SORCS3: variants seen among roughly 807,000 people sequenced by gnomAD.
The protein encoded by SORCS3 is VPS10 domain-containing receptor SorCS3.
In SORCS3, 57 loss-of-function variants were observed where a neutral mutation model predicts 146.3. The observed-to-expected ratio is 0.39, with a 90% CI of 0.31 to 0.49. The LOEUF is 0.49. SORCS3 is among the 20% of genes least tolerant of loss of function. The probability of loss-of-function intolerance (pLI) is 0.92; values close to 1 mark genes in which losing one functional copy is unlikely to be tolerated. For synonymous variants in SORCS3, 653 were observed against 618.5 expected (o/e 1.06, Z -0.83); for missense variants, 1,341 against 1,575.5 (o/e 0.85, Z 2.52).
At chr10:104,977,941 A>G (rs1286697978) in intron 4 of SORCS3, among the ~76,000 whole-genome samples, 1 of 152,002 alleles carries the variant, frequency 6.6e-6, no homozygotes, top group Non-Finnish European at 1.5e-5. Flanking sequence ...CAAGTTGGCC[A>G]GGATGGTCTC....
At chr10:104,969,736 A>G (rs1004771629) in intron 3 of SORCS3, among the ~76,000 whole-genome samples, 4 of 151,984 alleles carry the variant, frequency 2.6e-5, no homozygotes, top group African/African-American at 9.7e-5. Flanking sequence ...AAATTTCTTT[A>G]TGTGTGTGTG....
chr10:104,659,681 T>G (rs935696922), intron 1 of SORCS3, among the ~76,000 whole-genome samples: 1 of 152,218 alleles, frequency 6.6e-6, no homozygotes, highest in African/African-American at 2.4e-5. Flanking sequence ...AATCAGGATA[T>G]AATCCCATTT....
chr10:104,890,295 T>A (rs1310390975), intron 2 of SORCS3, among the ~76,000 whole-genome samples: 2 of 152,158 alleles, frequency 1.3e-5, no homozygotes, highest in African/African-American at 4.8e-5. Flanking sequence ...AGACTCTGAT[T>A]ACAACTGATG....
At chr10:104,906,915 C>A (rs1343389221) in intron 2 of SORCS3, among the ~76,000 whole-genome samples, 1 of 152,220 alleles carries the variant, frequency 6.6e-6, no homozygotes, top group Non-Finnish European at 1.5e-5. Flanking sequence ...CCCCGGTTCC[C>A]TACCCAGTGG....
chr10:104,816,263 A>G (rs906361882), intron 1 of SORCS3, among the ~76,000 whole-genome samples: 6 of 152,196 alleles, frequency 3.9e-5, no homozygotes, highest in Admixed American at 6.5e-5. Context: ...ATGAATTTTC[A>G]CTAATTCAAA....
At chr10:105,242,395 T>C (rs1484361821) in intron 20 of SORCS3, among the ~76,000 whole-genome samples, 2 of 116,080 alleles carry the variant, frequency 1.7e-5, no homozygotes, top group Admixed American at 1.1e-4. Flanking sequence ...TATATTTATA[T>C]ATTTATACAT....
At chr10:105,003,401 A>G (rs936784382) in intron 4 of SORCS3, among the ~76,000 whole-genome samples, 1 of 151,972 alleles carries the variant, frequency 6.6e-6, no homozygotes, top group Non-Finnish European at 1.5e-5. Flanking sequence ...CCTACCCTAG[A>G]TGTGTCACTG....
intron 1 of SORCS3, among the ~76,000 whole-genome samples, chr10:104,678,660 G>A (rs1393230393): frequency 6.6e-6 from 1 of 152,194 alleles, no homozygotes. Flanking sequence ...ATCTGTCCCA[G>A]TATTTCCTAG....
chr10:104,786,254 G>A lies in SORCS3; in HGVS notation c.628-56538G>A, dbSNP rs1443362805. Among the ~76,000 whole-genome samples, 14 of 149,764 alleles carry A rather than the reference G, an allele frequency of 9.3e-5. 1 individual carries two copies. Among genetic ancestry groups the A allele is most frequent in the African/African-American group, 3.2e-4 (13 of 40,684 alleles). ...CTTGATGATAAACTATATAGGAATTGGAAGCCAAAAAAAAAAAAAAAGTGT... is the reference window on the plus strand; with the variant it reads ...CTTGATGATAAACTATATAGGAATTAGAAGCCAAAAAAAAAAAAAAAGTGT... On this transcript the variant is annotated intron_variant, in intron 1 of 26. Transcript: ENST00000369701.
chr10:105,227,073 A>G (rs2056737881), intron 20 of SORCS3, among the ~76,000 whole-genome samples: 1 of 151,330 alleles, frequency 6.6e-6, no homozygotes, highest in Non-Finnish European at 1.5e-5. Flanking sequence ...TCTGATCTTT[A>G]TTATTTCTTA....
intron 1 of SORCS3, among the ~76,000 whole-genome samples, chr10:104,741,134 AT>A (rs34447542): frequency 0.25 from 26,279 of 104,684 alleles, 2,174 homozygotes; most frequent in East Asian, 0.55. Flanking sequence ...GATAATTTAA[AT>A]TTTTTTTTTT....
At chr10:104,704,858 G>A (rs2016318198) in intron 1 of SORCS3, among the ~76,000 whole-genome samples, 1 of 152,104 alleles carries the variant, frequency 6.6e-6, no homozygotes, top group Admixed American at 6.5e-5. Context: ...CTGTTTTGGT[G>A]CTTGGCCTAC....
chr10:105,214,386 A>AT, intron 17 of SORCS3, 56 bp from the exon 18 acceptor site: 1 of 1,595,658 alleles, frequency 6.3e-7, no homozygotes, highest in Non-Finnish European at 8.6e-7. Flanking sequence ...ACACACATAC[A>AT]ACAGCAACAA....
chr10:104,652,991 C>T (rs530741506), intron 1 of SORCS3, among the ~76,000 whole-genome samples: 6 of 152,298 alleles, frequency 3.9e-5, no homozygotes, highest in Admixed American at 3.9e-4. Flanking sequence ...TAGGAAATAA[C>T]TTGAACATAA....
chr10:104,779,919 A>T (rs936464345), intron 1 of SORCS3, among the ~76,000 whole-genome samples: 1 of 152,170 alleles, frequency 6.6e-6, no homozygotes, highest in African/African-American at 2.4e-5. Flanking sequence ...TATTAGAAGT[A>T]TGAATTATTT....
In SORCS3 at chr10:104,820,014, T is replaced by C. The variant is rs555103127; in HGVS notation, c.628-22778T>C. 9.9e-5 allele frequency among the ~76,000 whole-genome samples: 15 copies of C among 152,184 alleles called. 1 individual carries two copies. Among genetic ancestry groups the C allele is most frequent in the Admixed American group, 5.9e-4 (9 of 15,286 alleles). ...AGTCTCTGATCTTATCTTGAGGATG[T>C]TGGGTTTACTTTAAACTTAGTCTTA... On this transcript the variant is annotated intron_variant, in intron 1 of 26. Transcript: ENST00000369701.
intron 2 of SORCS3, among the ~76,000 whole-genome samples, chr10:104,908,962 G>C (rs1412919249): frequency 1.3e-5 from 2 of 152,072 alleles, no homozygotes; most frequent in African/African-American, 4.8e-5. Flanking sequence ...GATGCTCTAG[G>C]GTATCAGAGA....
In SORCS3 at chr10:104,858,900, T is replaced by C. The variant is rs539266947; in HGVS notation, c.695+16041T>C. ...CCTCCCAAAGTGCTGGGATTACAGG[T>C]GTGAGCCACCGCACCTGGCCTGAGA... On this transcript the variant is annotated intron_variant, in intron 2 of 26. Coordinates refer to ENST00000369701, the MANE Select transcript of SORCS3 (RefSeq NM_014978.3). 1.3e-4 allele frequency among the ~76,000 whole-genome samples: 19 copies of C among 147,292 alleles called. No homozygotes were observed. The East Asian group carries it at 1.6e-3, about 12-fold the overall frequency.
At chr10:104,770,567 C>T (rs1215602669) in intron 1 of SORCS3, among the ~76,000 whole-genome samples, 1 of 152,080 alleles carries the variant, frequency 6.6e-6, no homozygotes, top group Non-Finnish European at 1.5e-5. Context: ...CACCTGGAAT[C>T]CCAGCACTTT....
Sources: allele counts gnomAD v4.1 joint callset (sites outside exome capture counted in the v4.1 genomes callset), GRCh38; gene constraint gnomAD v4.1.1; transcripts MANE v1.5; gene names NCBI Gene and HGNC (gene_info 2026-07-23, HGNC 2026-07-21).